TP53I11: variants seen among roughly 807,000 people sequenced by gnomAD.
TP53I11 encodes the protein tumor protein p53-inducible protein 11.
Under a neutral mutation model 23.3 loss-of-function variants are expected in TP53I11, and 9 were observed. That is an observed-to-expected ratio of 0.39 (90% CI 0.23 to 0.67). TP53I11 has a LOEUF of 0.67. TP53I11 is among the 30% of genes least tolerant of loss of function. The pLI is 0.48. For synonymous variants in TP53I11, 100 were observed against 106.1 expected (o/e 0.94, Z 0.35); for missense variants, 170 against 255.2 (o/e 0.67, Z 2.27).
chr11:44,938,315 CG>C lies in TP53I11; in HGVS notation c.20del (p.Pro7ArgfsTer3). The C allele has an allele frequency of 1.2e-6, 2 of 1,606,804 alleles. No homozygotes were observed. On this transcript the variant is annotated frameshift_variant, in exon 2 of 7. Coordinates refer to ENST00000525680, the MANE Select transcript of TP53I11 (RefSeq NM_006034.5). LOFTEE classifies it high-confidence loss of function. MAAKQP[P>X]PLMKKHSQTD... The stretch of plus-strand genomic sequence containing the variant: ...TCTGGCTGTGCTTCTTCATCAGAGG[CG>C]GGGGCTGCTTGGCCGCCATCTTCTC...
rs1004595577 is a variant in TP53I11 at position 44,948,143 on chromosome 11, C to T, written c.-32+2534G>A. 8.2e-4 allele frequency among the ~76,000 whole-genome samples: 125 copies of T among 152,274 alleles called. 2 individuals are homozygous for T. Among genetic ancestry groups the T allele is most frequent in the African/African-American group, 2.9e-3 (122 of 41,554 alleles). On this transcript the variant is annotated intron_variant, in intron 1 of 6. Coordinates refer to ENST00000525680, the MANE Select transcript of TP53I11 (RefSeq NM_006034.5). ...GTGTAGCAGGATAAACAGTGAGACA[C>T]AGGGTGCCGGGGAGGTATCGTGGAC...
intron 1 of TP53I11, among the ~76,000 whole-genome samples, chr11:44,947,697 G>T (rs778764462): frequency 1.3e-5 from 2 of 152,166 alleles, no homozygotes; most frequent in Non-Finnish European, 2.9e-5. Flanking sequence ...ACTAGCTCAT[G>T]ACTTAAAAGG....
Position 44,934,989 on chromosome 11 carries a change from G to A in TP53I11, c.465C>T (p.Gly155=), listed in dbSNP as rs138257369. 2 of 1,613,976 alleles carry A rather than the reference G, an allele frequency of 1.2e-6. No individual in the cohort carries two copies. The highest frequency in any genetic ancestry group is 1.7e-6 in the Non-Finnish European group (2 of 1,179,982). Residue 155 remains glycine (G), a synonymous_variant, in exon 7 of 7, where the codon GGC becomes GGT. Coordinates refer to ENST00000525680, the MANE Select transcript of TP53I11 (RefSeq NM_006034.5). ...LVVTATLAET[G]LMSLGILLLL... Reference sequence around the variant, plus strand: ...GCAGCAGGATCCCCAGGGACATGAGGCCCGTCTCAGCTAGCGTGGCAGTGA... The same window carrying A: ...GCAGCAGGATCCCCAGGGACATGAGACCCGTCTCAGCTAGCGTGGCAGTGA...
chr11:44,938,495 G>A, intron 1 of TP53I11, 129 bp from the exon 2 acceptor site: 2 of 1,085,938 alleles, frequency 1.8e-6, no homozygotes, highest in South Asian at 1.8e-5. Flanking sequence ...GCCCAGGGCA[G>A]TAGGGGGAGT....
chr11:44,935,507 G>A (rs1019823706), intron 6 of TP53I11, 54 bp downstream of exon 6: 20 of 1,540,934 alleles, frequency 1.3e-5, no homozygotes, highest in Middle Eastern at 1.7e-4. Context: ...AGAGCAGGCA[G>A]GTCAGGGGCG....
intron 1 of TP53I11, among the ~76,000 whole-genome samples, chr11:44,938,647 G>A (rs1206381017): frequency 6.6e-6 from 1 of 152,194 alleles, no homozygotes; most frequent in African/African-American, 2.4e-5. Context: ...GGAGGCATAG[G>A]GCCCAGGAGA....
chr11:44,945,170 G>C (rs1197067646), intron 1 of TP53I11, among the ~76,000 whole-genome samples: 1 of 152,150 alleles, frequency 6.6e-6, no homozygotes, highest in African/African-American at 2.4e-5. Context: ...TTCCAAACAA[G>C]AGCTTCTGTG....
intron 1 of TP53I11, among the ~76,000 whole-genome samples, chr11:44,938,921 G>C (rs1861466981): frequency 6.6e-6 from 1 of 152,178 alleles, no homozygotes; most frequent in African/African-American, 2.4e-5. Context: ...CTCATACCCA[G>C]CAGAGCCAGA....
chr11:44,943,989 A>G (rs1265338489), intron 1 of TP53I11, among the ~76,000 whole-genome samples: 1 of 152,088 alleles, frequency 6.6e-6, no homozygotes, highest in Non-Finnish European at 1.5e-5. Context: ...TAGGGCAGGA[A>G]AGGGCTTTCC....
At chr11:44,945,762 A>G (rs1002958418) in intron 1 of TP53I11, among the ~76,000 whole-genome samples, 1 of 152,178 alleles carries the variant, frequency 6.6e-6, no homozygotes, top group Non-Finnish European at 1.5e-5. Context: ...AGTGAGAGCC[A>G]GAGCCTCAGG....
At chr11:44,949,197 A>T (rs1273301252) in intron 1 of TP53I11, among the ~76,000 whole-genome samples, 1 of 152,098 alleles carries the variant, frequency 6.6e-6, no homozygotes, top group Non-Finnish European at 1.5e-5. Context: ...CCTTTCTCGA[A>T]GTCTGGGGCT....
chr11:44,950,909 C>G (rs1862909543), upstream of TP53I11: 1 of 151,726 alleles, frequency 6.6e-6, no homozygotes, highest in African/African-American at 2.4e-5. Flanking sequence ...TCCCTCCTCT[C>G]GGTTCCGCGC....
chr11:44,950,809 A>AGGGCAGGGCAGGG lies in TP53I11; in HGVS notation c.-165_-164insCCCTGCCCTGCCC, dbSNP rs1565141774. 12 of 150,324 alleles carry AGGGCAGGGCAGGG rather than the reference A, an allele frequency of 8.0e-5. No homozygotes were observed. Among genetic ancestry groups the AGGGCAGGGCAGGG allele is most frequent in the African/African-American group, 2.9e-4 (12 of 40,880 alleles). 9.3% of individuals were successfully genotyped at this position (150,324 alleles called of 1,614,324 possible). A position where few individuals can be genotyped will look rare whatever the true frequency, so the allele number is the denominator to read the frequency against. ...GCAGGGCAGGGCAGGGCAGGGCAGG[A>AGGGCAGGGCAGGG]CAGGGCAGGGCAGGGCAGGGCCGGG... On this transcript the variant is annotated 5_prime_UTR_variant, in exon 1 of 7. Coordinates refer to ENST00000525680, the MANE Select transcript of TP53I11 (RefSeq NM_006034.5).
intron 1 of TP53I11, among the ~76,000 whole-genome samples, chr11:44,938,903 G>A (rs1354686984): frequency 6.6e-6 from 1 of 152,120 alleles, no homozygotes; most frequent in Admixed American, 6.5e-5. Context: ...AGAAGGGGAG[G>A]GGGTGCCCTC....
chr11:44,949,092 CT>C (rs1307729354), intron 1 of TP53I11, among the ~76,000 whole-genome samples: 1 of 152,218 alleles, frequency 6.6e-6, no homozygotes, highest in Non-Finnish European at 1.5e-5. Flanking sequence ...CAGAGGGGGC[CT>C]CAGGAACAAG....
intron 1 of TP53I11, among the ~76,000 whole-genome samples, chr11:44,944,739 A>G (rs1029886550): frequency 4.6e-5 from 7 of 152,170 alleles, no homozygotes; most frequent in Non-Finnish European, 7.4e-5. Flanking sequence ...CTTCTGTACA[A>G]AGCCCACAGG....
intron 1 of TP53I11, among the ~76,000 whole-genome samples, chr11:44,945,098 C>G (rs972900972): frequency 3.9e-4 from 59 of 152,302 alleles, no homozygotes; most frequent in African/African-American, 1.3e-3. Context: ...AGTGGCCAAG[C>G]CTCCCTGTGA....
intron 1 of TP53I11, chr11:44,946,934 C>T: frequency 1.1e-5 from 5 of 446,012 alleles, no homozygotes; most frequent in Non-Finnish European, 2.3e-5. Flanking sequence ...TATCTTCCTA[C>T]TCTTTCTTTT....
chr11:44,949,529 C>T (rs1189322994), intron 1 of TP53I11, among the ~76,000 whole-genome samples: 1 of 152,202 alleles, frequency 6.6e-6, no homozygotes, highest in Non-Finnish European at 1.5e-5. Context: ...TCCATCTCTC[C>T]GGCGGAGAAA....
Sources: gnomAD v4.1 joint callset for allele counts (sites outside exome capture counted in the v4.1 genomes callset) on GRCh38, gnomAD v4.1.1 for gene constraint, MANE v1.5 for transcripts, NCBI Gene and HGNC (gene_info 2026-07-23, HGNC 2026-07-21) for gene names.